The following VPS13A variants were observed in gnomAD, a reference collection of about 807,000 sequenced individuals.
VPS13A encodes vacuolar protein sorting 13 homolog A.
VPS13A carries 264 observed loss-of-function variants against 390.9 expected under a neutral mutation model. The observed-to-expected ratio is 0.68, with a 90% CI of 0.61 to 0.75. The LOEUF is 0.75. Ranked by LOEUF, VPS13A falls within the 30% of genes least tolerant of loss-of-function variation. The pLI, the probability that VPS13A is intolerant of heterozygous loss-of-function variation, is 0.00. For synonymous variants in VPS13A, 1,231 were observed against 1,227.1 expected, an observed-to-expected ratio of 1.00 and a Z score of -0.07; for missense variants, 3,409 against 3,733.9, an observed-to-expected ratio of 0.91 and a Z score of 2.27.
At chr9:77,322,195 GT>G (rs1303113021) in intron 44 of VPS13A, among the ~76,000 whole-genome samples, 2,602 of 142,720 alleles carry the variant, frequency 0.018, 51 homozygotes, top group African/African-American at 0.052. Flanking sequence ...TTTATAAATG[GT>G]TTTTTTTTTT....
chr9:77,270,639 C>T (rs992523352), intron 23 of VPS13A, among the ~76,000 whole-genome samples: 2 of 151,870 alleles, frequency 1.3e-5, no homozygotes, highest in Non-Finnish European at 2.9e-5. Flanking sequence ...TGCAGTGAGC[C>T]GAGATTGTGC....
intron 3 of VPS13A, among the ~76,000 whole-genome samples, chr9:77,202,785 T>C (rs971098654): frequency 1.3e-5 from 2 of 152,170 alleles, no homozygotes; most frequent in African/African-American, 4.8e-5. Context: ...TTTTTAGTGA[T>C]AATATAAGAT....
In VPS13A at chr9:77,417,991, A is replaced by G. The variant is rs1564006478; in HGVS notation, c.*1985A>G. 6.6e-6 allele frequency: 1 copy of G among 152,142 alleles called. No individual in the cohort carries two copies. Among genetic ancestry groups the G allele is most frequent in the Non-Finnish European group, 1.5e-5 (1 of 68,022 alleles). The allele number at this position is 152,142 out of a possible 1,614,324, so 9.4% of individuals were successfully genotyped here. On this transcript the variant is annotated 3_prime_UTR_variant, in exon 72 of 72. Transcript: ENST00000360280. ...ACAGTTTTAAGAGCTACATCATATC[A>G]TTTGTTGTTTTAGAAGATTGTCTTC...
intron 69 of VPS13A, 115 bp downstream of exon 69, chr9:77,403,436 C>A: frequency 2.3e-6 from 2 of 868,864 alleles, no homozygotes; most frequent in Non-Finnish European, 3.7e-6. Flanking sequence ...ATTCTTGGGT[C>A]TTCTTGCTCC....
intron 1 of VPS13A, among the ~76,000 whole-genome samples, chr9:77,195,002 T>C (rs1487212948): frequency 2.0e-5 from 3 of 152,228 alleles, no homozygotes; most frequent in Non-Finnish European, 2.9e-5. Context: ...TTTTTTTCTT[T>C]TGTTGCCTAT....
chr9:77,360,774 T>C, intron 59 of VPS13A, 133 bp downstream of exon 59: 1 of 656,294 alleles, frequency 1.5e-6, no homozygotes, highest in Non-Finnish European at 2.5e-6. Flanking sequence ...TCTCTTGTGG[T>C]ACATACCTTT....
At chr9:77,390,307 T>A (rs1413746347) in intron 68 of VPS13A, among the ~76,000 whole-genome samples, 1 of 152,136 alleles carries the variant, frequency 6.6e-6, no homozygotes, top group East Asian at 1.9e-4. Context: ...TAAAGCAGAT[T>A]TCATGGAAAA....
At chr9:77,338,478 T>G (rs1419617841) in intron 47 of VPS13A, 3 of 152,168 alleles carry the variant, frequency 2.0e-5, no homozygotes, top group African/African-American at 7.2e-5. Context: ...TCTAAATCTT[T>G]TGCTGTGGTC....
intron 31 of VPS13A, among the ~76,000 whole-genome samples, chr9:77,287,459 C>T (rs1179269898): frequency 6.6e-6 from 1 of 152,052 alleles, no homozygotes; most frequent in Non-Finnish European, 1.5e-5. Context: ...TCCCAAAGTG[C>T]TGTGATTACA....
intron 68 of VPS13A, among the ~76,000 whole-genome samples, chr9:77,398,640 C>T (rs554200358): frequency 3.3e-4 from 50 of 152,190 alleles, no homozygotes; most frequent in African/African-American, 1.2e-3. Flanking sequence ...CTTTTTACAG[C>T]GTGACGTTCT....
chr9:77,239,507 TTTTTA>T (rs143517000), intron 19 of VPS13A, among the ~76,000 whole-genome samples: 3,102 of 152,146 alleles, frequency 0.02, 71 homozygotes, highest in African/African-American at 0.056. Flanking sequence ...CCTTTGTACT[TTTTTA>T]TTTTATTTTA....
intron 67 of VPS13A, among the ~76,000 whole-genome samples, chr9:77,377,364 C>T (rs7872488): frequency 2.0e-5 from 3 of 151,582 alleles, no homozygotes; most frequent in Admixed American, 1.3e-4. Context: ...GGACTACAGG[C>T]GCCCGCCACC....
rs758036205 is a variant in VPS13A at position 77,318,545 on chromosome 9, A to G, written c.5267A>G (p.Lys1756Arg). 4.3e-6 allele frequency: 7 copies of G among 1,613,918 alleles called. No homozygotes were observed. The highest frequency in any genetic ancestry group is 5.1e-6 in the Non-Finnish European group (6 of 1,179,918). The change falls in exon 41 of 72, where the codon AAA becomes AGA. Residue 1756 changes from lysine to arginine, a missense_variant. Around this residue, in one of 5 missense-constraint regions of VPS13A, gnomAD observed 2,717 missense variants for 2,917.4 expected, o/e 0.93. Transcript: ENST00000360280. ...LAKSRFSGEG[K>R]NWSSLINLHC... ...AAGTCACGTTTTTCAGGGGAAGGCA[A>G]AAACTGGAGTTCCCTAATAAATCTG...
At chr9:77,409,101 C>G (rs149295132) in intron 71 of VPS13A, among the ~76,000 whole-genome samples, 117 of 152,344 alleles carry the variant, frequency 7.7e-4, no homozygotes, top group African/African-American at 1.9e-3. Context: ...AACAAAACTT[C>G]CAGAGGAACA....
At chr9:77,294,881 T>A (rs1253814940) in intron 32 of VPS13A, among the ~76,000 whole-genome samples, 1 of 151,318 alleles carries the variant, frequency 6.6e-6, no homozygotes, top group Non-Finnish European at 1.5e-5. Context: ...TATTTTTAAT[T>A]TTTTTTTTAA....
At chr9:77,350,693 T>G (rs1347983348) in intron 52 of VPS13A, among the ~76,000 whole-genome samples, 5 of 152,226 alleles carry the variant, frequency 3.3e-5, no homozygotes, top group African/African-American at 1.2e-4. Context: ...TAGGGTTTTT[T>G]CCCCCCTATT....
At chr9:77,254,277 A>G (rs1048007094) in intron 22 of VPS13A, among the ~76,000 whole-genome samples, 3 of 152,070 alleles carry the variant, frequency 2.0e-5, no homozygotes, top group Admixed American at 6.6e-5. Flanking sequence ...CATTTCCTCT[A>G]TACAATTTGT....
At chr9:77,315,944 A>G (rs1320116611) in intron 38 of VPS13A, among the ~76,000 whole-genome samples, 2 of 152,008 alleles carry the variant, frequency 1.3e-5, no homozygotes, top group African/African-American at 4.8e-5. Context: ...GTTAGAAACT[A>G]GATTAGTTTC....
intron 1 of VPS13A, among the ~76,000 whole-genome samples, chr9:77,196,803 T>TA (rs1825032384): frequency 6.6e-6 from 1 of 152,156 alleles, no homozygotes; most frequent in South Asian, 2.1e-4. Context: ...GCAATAAACA[T>TA]AAAGTCCAGG....
Sources: gnomAD v4.1 joint callset for allele counts (sites outside exome capture counted in the v4.1 genomes callset) on GRCh38, gnomAD v4.1.1 for gene constraint, gnomAD v4.1.1 regional missense constraint, MANE v1.5 for transcripts, NCBI Gene and HGNC (gene_info 2026-07-23, HGNC 2026-07-21) for gene names.